Variants in POFUT3 observed in about 807,000 individuals in gnomAD.
POFUT3 encodes the protein protein O-fucosyltransferase 3, also known as GDP-fucose protein O-fucosyltransferase 3.
At chr8:33,365,492 A>G in the POFUT3 span, among the ~76,000 whole-genome samples, 1 of 152,194 alleles carries the variant, frequency 6.6e-6, no homozygotes, top group Admixed American at 6.5e-5. Context: ...ATGGGAGAAA[A>G]TTTTTGCAAT....
the POFUT3 span, among the ~76,000 whole-genome samples, chr8:33,459,526 C>T: frequency 0.017 from 2,631 of 151,574 alleles, 46 homozygotes; most frequent in African/African-American, 0.045. Flanking sequence ...CCTATAGTCT[C>T]AGCTACTCAG....
At chr8:33,436,773 A>C in the POFUT3 span, 1 of 521,454 alleles carries the variant, frequency 1.9e-6, no homozygotes, top group South Asian at 2.4e-5. Context: ...AAAACGCTAA[A>C]ATAGCGGCCA....
chr8:33,438,790 G>T, the POFUT3 span, among the ~76,000 whole-genome samples: 1 of 152,100 alleles, frequency 6.6e-6, no homozygotes, highest in East Asian at 1.9e-4. Context: ...AATGAGAGCC[G>T]AGCGAAAGGG....
At chr8:33,318,446 G>A in the POFUT3 span, among the ~76,000 whole-genome samples, 2 of 140,944 alleles carry the variant, frequency 1.4e-5, no homozygotes, top group Non-Finnish European at 3.0e-5. Flanking sequence ...GTATTTATAT[G>A]TGTGTGTGTA....
At chr8:33,427,852 C>T in the POFUT3 span, among the ~76,000 whole-genome samples, 3 of 152,094 alleles carry the variant, frequency 2.0e-5, no homozygotes, top group Non-Finnish European at 4.4e-5. Context: ...CTCAGCCTGG[C>T]GCGGTGGCTT....
At chr8:33,361,812 A>T in the POFUT3 span, among the ~76,000 whole-genome samples, 1 of 152,012 alleles carries the variant, frequency 6.6e-6, no homozygotes, top group Non-Finnish European at 1.5e-5. Flanking sequence ...TCCTGAATAC[A>T]TTTTTTTCCG....
chr8:33,373,312 C>CT, the POFUT3 span, among the ~76,000 whole-genome samples: 3,220 of 152,250 alleles, frequency 0.021, 105 homozygotes, highest in African/African-American at 0.074. Context: ...TTGTTTGCTA[C>CT]TTTTCACCAA....
chr8:33,419,612 T>C, the POFUT3 span, among the ~76,000 whole-genome samples: 1 of 152,182 alleles, frequency 6.6e-6, no homozygotes, highest in South Asian at 2.1e-4. Flanking sequence ...GTCCCTTAAA[T>C]GCCATGACTC....
the POFUT3 span, among the ~76,000 whole-genome samples, chr8:33,445,905 A>T: frequency 6.6e-6 from 1 of 152,300 alleles, no homozygotes; most frequent in East Asian, 1.9e-4. Flanking sequence ...AATAAAAAAA[A>T]GTTCACTTGC....
At chr8:33,461,555 C>T in the POFUT3 span, 29 of 1,578,346 alleles carry the variant, frequency 1.8e-5, no homozygotes, top group East Asian at 2.3e-5. Context: ...ACCATCTGGG[C>T]GCCAATTTCC....
chr8:33,317,777 G>C, the POFUT3 span, among the ~76,000 whole-genome samples: 3 of 151,998 alleles, frequency 2.0e-5, no homozygotes, highest in Admixed American at 2.0e-4. Flanking sequence ...GTTTGGGTCT[G>C]TAACACACCC....
the POFUT3 span, among the ~76,000 whole-genome samples, chr8:33,365,564 A>G: frequency 8.1e-3 from 1,227 of 152,246 alleles, 9 homozygotes; most frequent in Non-Finnish European, 0.011. Flanking sequence ...AATTTACAAG[A>G]AAAAAACAAC....
At chr8:33,439,877 A>G in the POFUT3 span, among the ~76,000 whole-genome samples, 1 of 151,962 alleles carries the variant, frequency 6.6e-6, no homozygotes, top group African/African-American at 2.4e-5. Context: ...AAAAAAAGCA[A>G]AAAACGAAAA....
At chr8:33,401,414 C>T in the POFUT3 span, among the ~76,000 whole-genome samples, 39 of 152,310 alleles carry the variant, frequency 2.6e-4, no homozygotes, top group African/African-American at 9.4e-4. Context: ...ATTCATACTA[C>T]ACCACTGCCG....
chr8:33,447,232 G>A, the POFUT3 span, among the ~76,000 whole-genome samples: 504 of 152,234 alleles, frequency 3.3e-3, 5 homozygotes, highest in African/African-American at 0.011. Flanking sequence ...GGAGGATCAC[G>A]AGGTCAGGAG....
the POFUT3 span, among the ~76,000 whole-genome samples, chr8:33,318,916 TATAATA>T: frequency 3.9e-5 from 2 of 50,792 alleles, 1 homozygote; most frequent in African/African-American, 2.2e-4. Context: ...CATATATTTA[TATAATA>T]CATAAATATA....
chr8:33,346,334 A>G, the POFUT3 span, among the ~76,000 whole-genome samples: 10 of 152,296 alleles, frequency 6.6e-5, no homozygotes, highest in South Asian at 2.1e-3. Flanking sequence ...ACCCTTCTCT[A>G]TTAAGCACCA....
the POFUT3 span, among the ~76,000 whole-genome samples, chr8:33,353,017 C>A: frequency 6.6e-6 from 1 of 152,212 alleles, no homozygotes; most frequent in East Asian, 1.9e-4. Flanking sequence ...TGGGAAGCAG[C>A]ATGCCCATAA....
chr8:33,343,023 C>A, the POFUT3 span, among the ~76,000 whole-genome samples: 1 of 151,614 alleles, frequency 6.6e-6, no homozygotes, highest in East Asian at 1.9e-4. Flanking sequence ...AGGAGAATCG[C>A]TTGAACCTAG....
Sources: allele counts gnomAD v4.1 joint callset (sites outside exome capture counted in the v4.1 genomes callset), GRCh38; gene constraint gnomAD v4.1.1; transcripts MANE v1.5; gene names NCBI Gene and HGNC (gene_info 2026-07-23, HGNC 2026-07-21).